Variants in RBMS3 observed in about 807,000 individuals in gnomAD.
The protein encoded by RBMS3 is RNA binding motif single stranded interacting protein 3.
RBMS3 carries 27 observed loss-of-function variants against 66.8 expected under a neutral mutation model. The observed-to-expected ratio is 0.40, with a 90% confidence interval of 0.30 to 0.56. The LOEUF (loss-of-function observed/expected upper bound fraction) is 0.56. Among genes scored for constraint, RBMS3 ranks in the 20% least tolerant of loss-of-function variants. The pLI, the probability that RBMS3 is intolerant of heterozygous loss-of-function variation, is 0.40. For synonymous variants in RBMS3, 188 were observed against 183.0 expected (o/e 1.03, Z -0.22); for missense variants, 513 against 549.5 (o/e 0.93, Z 0.66).
rs971174914 is a variant in RBMS3 at position 29,538,270 on chromosome 3, C to G, written c.308-48844C>G. On this transcript the variant is annotated intron_variant, in intron 3 of 14. Transcript: ENST00000383767. ...TTTATAAACTGTTTTGGCCTCTGTA[C>G]AATTTATGCGCCCTGGATTTTCCCA... Among the ~76,000 whole-genome samples, 31 of 152,172 alleles carry G rather than the reference C, an allele frequency of 2.0e-4. 1 individual carries two copies. Among genetic ancestry groups the G allele is most frequent in the African/African-American group, 7.5e-4 (31 of 41,436 alleles).
At chr3:29,885,560 A>G (rs887126185) in intron 8 of RBMS3, among the ~76,000 whole-genome samples, 5 of 152,078 alleles carry the variant, frequency 3.3e-5, no homozygotes, top group Non-Finnish European at 5.9e-5. Context: ...TTTTGTGCAA[A>G]GTACTTTGTA....
chr3:29,535,733 T>TTTTTTTTTTTTTTTTTTTTTTTTG (rs2045531312), intron 3 of RBMS3, among the ~76,000 whole-genome samples: 1 of 140,980 alleles, frequency 7.1e-6, no homozygotes, highest in African/African-American at 2.7e-5. Context: ...TTTTTTTTTT[T>TTTTTTTTTTTTTTTTTTTTTTTTG]TTTTTTTTGC....
intron 6 of RBMS3, among the ~76,000 whole-genome samples, chr3:29,777,074 A>T (rs192480471): frequency 6.6e-6 from 1 of 151,962 alleles, no homozygotes; most frequent in East Asian, 1.9e-4. Context: ...CCAGCATATC[A>T]TTGCACCTCT....
chr3:29,689,743 C>A (rs1484520286), intron 4 of RBMS3, among the ~76,000 whole-genome samples: 1 of 151,428 alleles, frequency 6.6e-6, no homozygotes, highest in Non-Finnish European at 1.5e-5. Context: ...ACAAAGAAAT[C>A]TCTGCTTGCA....
At chr3:29,425,244 C>T (rs2040908860) in intron 1 of RBMS3, among the ~76,000 whole-genome samples, 2 of 147,496 alleles carry the variant, frequency 1.4e-5, no homozygotes, top group Admixed American at 1.4e-4. Flanking sequence ...CGTGGTGTCA[C>T]CCGCCTGTAG....
chr3:29,678,058 G>C (rs1188354485), intron 4 of RBMS3, among the ~76,000 whole-genome samples: 1 of 152,112 alleles, frequency 6.6e-6, no homozygotes, highest in Non-Finnish European at 1.5e-5. Context: ...AATGAACTAT[G>C]GGGCTAAAGA....
chr3:29,698,787 C>G (rs1688081673), intron 4 of RBMS3, among the ~76,000 whole-genome samples: 1 of 151,594 alleles, frequency 6.6e-6, no homozygotes, highest in Non-Finnish European at 1.5e-5. Context: ...TTGTTTTGAC[C>G]CATTGGATGT....
Position 29,704,408 on chromosome 3 carries a change from C to T in RBMS3, c.400-35312C>T, listed in dbSNP as rs1016233492. On this transcript the variant is annotated intron_variant, in intron 4 of 14. Transcript: ENST00000383767. ...TGTTTCCAGTGTTGAAATACAGATG[C>T]ATTTTGGCCCTTACACATTTCCATT... Among the ~76,000 whole-genome samples, 8 of 151,696 alleles carry T rather than the reference C, an allele frequency of 5.3e-5. No homozygotes were observed. In the East Asian group the frequency reaches 1.5e-3, roughly 29 times the overall value.
At chr3:29,997,968 G>A (rs1475883514) in intron 14 of RBMS3, among the ~76,000 whole-genome samples, 1 of 152,172 alleles carries the variant, frequency 6.6e-6, no homozygotes, top group Non-Finnish European at 1.5e-5. Flanking sequence ...AGGAAAAGAG[G>A]AAGTCAAATT....
At chr3:29,941,604 G>T (rs1474165840) in intron 11 of RBMS3, among the ~76,000 whole-genome samples, 1 of 151,782 alleles carries the variant, frequency 6.6e-6, no homozygotes, top group Non-Finnish European at 1.5e-5. Context: ...CTGGCATTAA[G>T]TGTAAGTCTA....
At chr3:29,599,506 A>G (rs1174135714) in intron 4 of RBMS3, among the ~76,000 whole-genome samples, 1 of 152,170 alleles carries the variant, frequency 6.6e-6, no homozygotes, top group East Asian at 1.9e-4. Flanking sequence ...TAGCTGAAAC[A>G]GAAGCAATAA....
chr3:29,705,401 T>A (rs867912193), intron 4 of RBMS3, among the ~76,000 whole-genome samples: 1 of 152,216 alleles, frequency 6.6e-6, no homozygotes, highest in South Asian at 2.1e-4. Flanking sequence ...AAGAATCACA[T>A]GTTATAGAAA....
chr3:29,322,681 A>G (rs1484237069), intron 1 of RBMS3, among the ~76,000 whole-genome samples: 1 of 152,010 alleles, frequency 6.6e-6, no homozygotes, highest in Non-Finnish European at 1.5e-5. Context: ...GAAAGATGGC[A>G]TATAAGAAAA....
At chr3:29,323,045 C>T (rs186737363) in intron 1 of RBMS3, among the ~76,000 whole-genome samples, 1 of 152,224 alleles carries the variant, frequency 6.6e-6, no homozygotes, top group Non-Finnish European at 1.5e-5. Context: ...TCCTCTCATC[C>T]ATCACAACCA....
intron 11 of RBMS3, among the ~76,000 whole-genome samples, chr3:29,943,446 C>G (rs1348176259): frequency 6.6e-6 from 1 of 151,750 alleles, no homozygotes; most frequent in Non-Finnish European, 1.5e-5. Context: ...GCCAAAAGCT[C>G]TTTTTTCATC....
At chr3:29,633,900 C>A (rs534739631) in intron 4 of RBMS3, among the ~76,000 whole-genome samples, 62 of 151,888 alleles carry the variant, frequency 4.1e-4, no homozygotes, top group African/African-American at 1.5e-3. Context: ...ATTTAAATAA[C>A]CCCACTCAAT....
At chr3:29,933,907 C>T (rs1451479494) in intron 10 of RBMS3, 2 of 152,054 alleles carry the variant, frequency 1.3e-5, no homozygotes, top group African/African-American at 4.8e-5. Flanking sequence ...CTGAAAGAGA[C>T]CAGACAATTC....
chr3:29,515,033 T>TA, intron 3 of RBMS3, among the ~76,000 whole-genome samples: 1 of 152,084 alleles, frequency 6.6e-6, no homozygotes. Context: ...CAGAGCCTGA[T>TA]AGAGTCCAGG....
intron 3 of RBMS3, among the ~76,000 whole-genome samples, chr3:29,538,614 A>T (rs986683645): frequency 6.6e-6 from 1 of 152,212 alleles, no homozygotes; most frequent in Non-Finnish European, 1.5e-5. Flanking sequence ...AAACAGTGTT[A>T]TGGGTAGATT....
Sources: gnomAD v4.1 joint callset for allele counts (sites outside exome capture counted in the v4.1 genomes callset) on GRCh38, gnomAD v4.1.1 for gene constraint, MANE v1.5 for transcripts, NCBI Gene and HGNC (gene_info 2026-07-23, HGNC 2026-07-21) for gene names.